TMEM94: variants seen among roughly 807,000 people sequenced by gnomAD.
TMEM94 encodes the protein transmembrane protein 94.
TMEM94 carries 81 observed loss-of-function variants against 158.6 expected under a neutral mutation model. The observed-to-expected ratio is 0.51, with a 90% CI of 0.43 to 0.61. TMEM94 has a LOEUF of 0.61. Among genes scored for constraint, TMEM94 ranks in the 20% least tolerant of loss-of-function variants. TMEM94 has a pLI of 0.00. For missense variants in TMEM94, 1,435 were observed against 1,762.0 expected (o/e 0.81, Z 3.32); for synonymous variants, 751 against 730.7 (o/e 1.03, Z -0.45).
rs1302729430 is a variant in TMEM94, at chr17:75,498,522, G to A, written c.3717G>A (p.Leu1239=). 1 of 1,607,226 alleles carries A rather than the reference G, an allele frequency of 6.2e-7. No individual in the cohort carries two copies. Among genetic ancestry groups the A allele is most frequent in the Non-Finnish European group, 8.5e-7 (1 of 1,176,308 alleles). The change falls in exon 29 of 32, where the codon CTG becomes CTA. Residue 1239 remains leucine, a synonymous_variant. Transcript: ENST00000314256. This position sits in a 1 kb window ranked among gnomAD's most constrained non-coding sequence, Gnocchi z 6.7. ...CGGCTCAGAAGCTCACGGCCGCCCT[G>A]ATTGTCCTGCACACTGGTGAGAGGG... ...LLSAQKLTAA[L]IVLHTVFISI...
At position 75,487,949 on chromosome 17, in the gene TMEM94, A is replaced by C; in HGVS notation, c.427A>C (p.Arg143=). The stretch of plus-strand genomic sequence containing the variant: ...CCCCTCAGATGCCCTCAGGGATGGC[A>C]GGGAGATCCAGTGGCCCAGTGCCAT... ...DQIQDALRDG[R]EIQWPSAMYP... is the part of the protein sequence containing the mutation. Residue 143 remains arginine, a synonymous_variant, in exon 6 of 32, where the codon AGG becomes CGG. Transcript: ENST00000314256. The surrounding 1 kb of genome is among the most constrained non-coding windows in gnomAD (Gnocchi z 4.6). The C allele has an allele frequency of 1.2e-6, 2 of 1,613,872 alleles. No individual in the cohort carries two copies. The highest frequency in any genetic ancestry group is 1.7e-6 in the Non-Finnish European group (2 of 1,179,762).
intron 31 of TMEM94, 84 bp from the exon 32 acceptor site, chr17:75,499,178 C>T: frequency 3.1e-6 from 5 of 1,591,526 alleles, no homozygotes; most frequent in South Asian, 1.1e-5. Flanking sequence ...CGCTGCCCAT[C>T]CCTCCCTCCT....
Position 75,495,396 on chromosome 17 carries a change from C to T in TMEM94, c.2841C>T (p.Asn947=). The change falls in exon 21 of 32, where the codon AAC becomes AAT. Residue 947 remains asparagine (N), a synonymous_variant. Coordinates refer to ENST00000314256, the MANE Select transcript of TMEM94 (RefSeq NM_014738.6). The surrounding 1 kb of genome is among the most constrained non-coding windows in gnomAD (Gnocchi z 5.6). ...SDIPSFLEDS[N]RAKLPRGIHQ... is the part of the protein sequence containing the mutation. Reference sequence around the variant, plus strand: ...TCCCCAGCTTCCTGGAGGACTCCAACCGGGTACGATGGCAGGATCTGTCTC... The same window carrying T: ...TCCCCAGCTTCCTGGAGGACTCCAATCGGGTACGATGGCAGGATCTGTCTC... 1.2e-6 allele frequency: 2 copies of T among 1,613,148 alleles called. No individual in the cohort carries two copies. Among genetic ancestry groups the T allele is most frequent in the Middle Eastern group, 3.3e-4 (2 of 6,056 alleles).
chr17:75,476,755 G>A (rs1186207659), intron 2 of TMEM94: 8 of 1,535,620 alleles, frequency 5.2e-6, no homozygotes, highest in East Asian at 4.9e-5. Flanking sequence ...TGAGTATGCT[G>A]GCAGGGCTTT....
In TMEM94 at chr17:75,492,638, C is replaced by G; in HGVS notation, c.1761C>G (p.Leu587=). The part of the protein sequence containing the change: ...LHLTSLKPLG[L]NVLLNLCDAS... ...TCACCTCCCTCAAACCCCTGGGCCT[C>G]AATGTGCTGCTGAACCTGTGTGATG... The change falls in exon 15 of 32, where the codon CTC becomes CTG. Residue 587 remains leucine, a synonymous_variant. Coordinates refer to ENST00000314256, the MANE Select transcript of TMEM94 (RefSeq NM_014738.6). This position sits in a 1 kb window ranked among gnomAD's most constrained non-coding sequence, Gnocchi z 4.4. The G allele has an allele frequency of 6.2e-7, 1 of 1,614,106 alleles. No individual in the cohort carries two copies. Among genetic ancestry groups the G allele is most frequent in the Non-Finnish European group, 8.5e-7 (1 of 1,180,034 alleles).
intron 2 of TMEM94, chr17:75,476,411 CTT>C: frequency 2.1e-6 from 2 of 934,816 alleles, no homozygotes; most frequent in Non-Finnish European, 3.0e-6. Context: ...CCCTCCTTCT[CTT>C]TCCTCTTCTC....
chr17:75,496,952 G>T (rs1277072659), intron 25 of TMEM94, 145 bp downstream of exon 25: 2 of 1,054,644 alleles, frequency 1.9e-6, no homozygotes, highest in African/African-American at 1.6e-5. Flanking sequence ...TGGGCTTTTT[G>T]AGCTGACCCT....
At chr17:75,460,830 T>C (rs1333384586) in intron 1 of TMEM94, among the ~76,000 whole-genome samples, 1 of 151,838 alleles carries the variant, frequency 6.6e-6, no homozygotes, top group Non-Finnish European at 1.5e-5. Context: ...AGGAAAAAAA[T>C]ACATAGTATA....
At chr17:75,474,148 A>G (rs1417684813) in intron 2 of TMEM94, among the ~76,000 whole-genome samples, 1 of 152,118 alleles carries the variant, frequency 6.6e-6, no homozygotes, top group Non-Finnish European at 1.5e-5. Flanking sequence ...ACAAGCAGTT[A>G]AGTAATTGGA....
At chr17:75,496,916 TC>T in intron 25 of TMEM94, 109 bp downstream of exon 25, 2 of 1,261,796 alleles carry the variant, frequency 1.6e-6, no homozygotes, top group Non-Finnish European at 1.1e-6. Flanking sequence ...AGTCAAGGGG[TC>T]CCCCCAGAGC....
rs758072686 is a variant in TMEM94, at chr17:75,491,938, G to C, written c.1596+38G>C. The C allele has an allele frequency of 3.8e-6, 6 of 1,571,006 alleles. No individual in the cohort carries two copies. On this transcript the variant is annotated intron_variant, in intron 14 of 31. Transcript: ENST00000314256. This position sits in a 1 kb window ranked among gnomAD's most constrained non-coding sequence, Gnocchi z 5.1. ...GGTGGCACGGGGCAGCCACACCCTC[G>C]GCCACAGGCTGTCCTGGCCTCCCTG...
chr17:75,489,942 G>T lies in TMEM94; in HGVS notation c.954+280G>T. The T allele has an allele frequency of 1.8e-6, 1 of 560,596 alleles. No individual in the cohort carries two copies. Among genetic ancestry groups the T allele is most frequent in the South Asian group, 2.1e-5 (1 of 48,252 alleles). The allele number at this position is 560,596 out of a possible 1,614,324, so 34.7% of individuals were successfully genotyped here. ...AAGAATATAAAAATTAGCTGGGCGT[G>T]GTGGCACGTGCCTGTGGTCCCAGCC... is the stretch of plus-strand genomic sequence containing the variant. On this transcript the variant is annotated intron_variant, in intron 9 of 31. Coordinates refer to ENST00000314256, the MANE Select transcript of TMEM94 (RefSeq NM_014738.6). The surrounding 1 kb of genome is among the most constrained non-coding windows in gnomAD (Gnocchi z 5.0).
At chr17:75,462,826 A>C (rs1316960257) in intron 1 of TMEM94, among the ~76,000 whole-genome samples, 1 of 140,632 alleles carries the variant, frequency 7.1e-6, no homozygotes, top group Non-Finnish European at 1.5e-5. Flanking sequence ...CCTTGTGTCT[A>C]CAAAAAAAAA....
Position 75,493,020 on chromosome 17 carries a change from G to A in TMEM94, c.2004G>A (p.Ser668=), listed in dbSNP as rs770862261. The change falls in exon 16 of 32, where the codon TCG becomes TCA. Residue 668 remains serine, a synonymous_variant. Coordinates refer to ENST00000314256, the MANE Select transcript of TMEM94 (RefSeq NM_014738.6). ...GTGCCGAGACAATGAAGGAGACATC[G>A]CTGGGGCGGCTCTCCTGTGTCACCA... ...LPSAETMKET[S]LGRLSCVTKR... is the part of the protein sequence containing the mutation. 13 of 1,613,606 alleles carry A rather than the reference G, an allele frequency of 8.1e-6. No individual in the cohort carries two copies. The highest frequency in any genetic ancestry group is 3.3e-5 in the South Asian group (3 of 91,096).
chr17:75,482,030 C>A (rs953677615), intron 2 of TMEM94, among the ~76,000 whole-genome samples: 2 of 151,674 alleles, frequency 1.3e-5, no homozygotes, highest in Admixed American at 6.6e-5. Flanking sequence ...GGCAACATAT[C>A]GAGGCCCCAT....
chr17:75,491,738 G>A lies in TMEM94; in HGVS notation c.1434G>A (p.Leu478=), dbSNP rs763120205. 7 of 1,613,950 alleles carry A rather than the reference G, an allele frequency of 4.3e-6. No homozygotes were observed. The highest frequency in any genetic ancestry group is 1.1e-5 in the South Asian group (1 of 91,096). ...ALLAGSLNNT[L]HLSNEQERGD... ...TGGCTGGCTCCCTGAACAACACCCT[G>A]CACCTTTCCAATGAGCAGGAGCGTG... The change falls in exon 14 of 32, where the codon CTG becomes CTA. Residue 478 remains leucine (L), a synonymous_variant. Coordinates refer to ENST00000314256, the MANE Select transcript of TMEM94 (RefSeq NM_014738.6). This position sits in a 1 kb window ranked among gnomAD's most constrained non-coding sequence, Gnocchi z 5.1.
At chr17:75,497,237 GCAGGA>G in intron 26 of TMEM94, 39 bp downstream of exon 26, 1 of 1,548,302 alleles carries the variant, frequency 6.5e-7, no homozygotes, top group South Asian at 1.1e-5. Context: ...CCATGCCTAA[GCAGGA>G]GGTGTCTGGA....
intron 18 of TMEM94, 98 bp from the exon 19 acceptor site, chr17:75,494,529 C>A: frequency 8.0e-7 from 1 of 1,243,674 alleles, no homozygotes; most frequent in Non-Finnish European, 1.1e-6. Flanking sequence ...CCCTGGGGCC[C>A]ATATGCTCAT....
intron 2 of TMEM94, among the ~76,000 whole-genome samples, chr17:75,475,350 C>T (rs1445202335): frequency 6.6e-6 from 1 of 152,200 alleles, no homozygotes; most frequent in Non-Finnish European, 1.5e-5. Flanking sequence ...TGCTGAGGCT[C>T]CTTCTTCCCT....
Sources: gnomAD v4.1 joint callset for allele counts (sites outside exome capture counted in the v4.1 genomes callset) on GRCh38, gnomAD v4.1.1 for gene constraint, Gnocchi (gnomAD v3.1) non-coding constraint, MANE v1.5 for transcripts, NCBI Gene and HGNC (gene_info 2026-07-23, HGNC 2026-07-21) for gene names.